Variants in CCSER1 observed in about 807,000 individuals in gnomAD.
The protein encoded by CCSER1 is serine-rich coiled-coil domain-containing protein 1.
A neutral mutation model predicts 82.0 loss-of-function variants in CCSER1; 41 were observed. That is an observed-to-expected ratio of 0.50 (90% CI 0.39 to 0.65). The LOEUF is 0.65. CCSER1 is among the 30% of genes least tolerant of loss of function. The probability of loss-of-function intolerance (pLI) is 0.00; values close to 1 mark genes in which losing one functional copy is unlikely to be tolerated. For synonymous variants in CCSER1, 414 were observed against 383.9 expected, an observed-to-expected ratio of 1.08 and a Z score of -0.92; for missense variants, 1,119 against 1,064.2, an observed-to-expected ratio of 1.05 and a Z score of -0.72.
chr4:91,041,241 A>G (rs999974598), intron 9 of CCSER1, among the ~76,000 whole-genome samples: 5 of 152,168 alleles, frequency 3.3e-5, no homozygotes, highest in African/African-American at 1.2e-4. Flanking sequence ...CCTGACTTAG[A>G]AGGTTTTTAC....
intron 8 of CCSER1, among the ~76,000 whole-genome samples, chr4:90,907,644 T>A (rs1725700317): frequency 6.6e-6 from 1 of 152,096 alleles, no homozygotes; most frequent in Non-Finnish European, 1.5e-5. Flanking sequence ...AAAGTAAACA[T>A]TTGTCATGTG....
At chr4:91,319,708 C>T (rs746426973) in intron 10 of CCSER1, 28 of 455,796 alleles carry the variant, frequency 6.1e-5, no homozygotes, top group Non-Finnish European at 1.1e-4. Flanking sequence ...CCCTGTGTGT[C>T]CCTCAGGTTT....
intron 6 of CCSER1, among the ~76,000 whole-genome samples, chr4:90,703,929 T>C (rs530766873): frequency 1.3e-5 from 2 of 152,182 alleles, no homozygotes; most frequent in East Asian, 3.9e-4. Flanking sequence ...CTTTATCCAA[T>C]TTGCCATTCT....
At chr4:90,583,245 C>A (rs1164617377) in intron 5 of CCSER1, among the ~76,000 whole-genome samples, 2 of 152,288 alleles carry the variant, frequency 1.3e-5, no homozygotes, top group Non-Finnish European at 2.9e-5. Context: ...AGGCTCACTG[C>A]AAACTCCGCC....
chr4:90,839,704 C>A (rs1228965242), intron 8 of CCSER1, among the ~76,000 whole-genome samples: 1 of 152,200 alleles, frequency 6.6e-6, no homozygotes, highest in Admixed American at 6.5e-5. Context: ...TTTGCCCAAT[C>A]TTACCAAGTA....
chr4:90,874,856 G>A (rs1429521093), intron 8 of CCSER1, among the ~76,000 whole-genome samples: 1 of 151,980 alleles, frequency 6.6e-6, no homozygotes, highest in Non-Finnish European at 1.5e-5. Flanking sequence ...GACCATCCTG[G>A]CCAACATGGT....
At position 91,582,317 on chromosome 4, in the gene CCSER1, T is replaced by G. The variant is rs185267431; in HGVS notation, c.2218-16255T>G. On this transcript the variant is annotated intron_variant, in intron 10 of 10. Transcript: ENST00000509176. Reference sequence around the variant, plus strand: ...ATCTTGTCTGAACTGTTAGTTAAGATTCTGTGAGTCCAGACCTCTATATAA... The same window carrying G: ...ATCTTGTCTGAACTGTTAGTTAAGAGTCTGTGAGTCCAGACCTCTATATAA... 2.5e-3 allele frequency among the ~76,000 whole-genome samples: 374 copies of G among 151,674 alleles called. 3 individuals are homozygous for G. The highest frequency in any genetic ancestry group is 8.5e-3 in the African/African-American group (353 of 41,494).
rs544667712 is a variant in CCSER1 at position 91,223,266 on chromosome 4, A to G, written c.2217+137272A>G. Among the ~76,000 whole-genome samples, 5 of 152,248 alleles carry G rather than the reference A, an allele frequency of 3.3e-5. No homozygotes were observed. The East Asian group carries it at 7.7e-4, about 23-fold the overall frequency. ...TTAGAGAAATATTATTTGTTTAGAAATCAAATAAATTTTGAAGACATGTCT... is the reference window on the plus strand; with the variant it reads ...TTAGAGAAATATTATTTGTTTAGAAGTCAAATAAATTTTGAAGACATGTCT... On this transcript the variant is annotated intron_variant, in intron 10 of 10. Transcript: ENST00000509176.
chr4:90,390,250 A>C (rs555387197), intron 3 of CCSER1, among the ~76,000 whole-genome samples: 52 of 152,328 alleles, frequency 3.4e-4, no homozygotes, highest in African/African-American at 1.2e-3. Context: ...TGTGTTGGGC[A>C]GTGAATATAT....
intron 8 of CCSER1, among the ~76,000 whole-genome samples, chr4:90,885,028 G>T (rs1345511649): frequency 1.3e-5 from 2 of 152,026 alleles, no homozygotes; most frequent in East Asian, 3.9e-4. Flanking sequence ...TCTACTAAAA[G>T]CATAAACTCA....
intron 10 of CCSER1, among the ~76,000 whole-genome samples, chr4:91,121,009 G>A (rs1196240820): frequency 2.0e-5 from 3 of 151,742 alleles, no homozygotes; most frequent in South Asian, 2.1e-4. Flanking sequence ...ATTTGGAAAA[G>A]GGTCATATAG....
intron 7 of CCSER1, among the ~76,000 whole-genome samples, chr4:90,810,429 C>T (rs1369550084): frequency 6.6e-6 from 1 of 152,068 alleles, no homozygotes; most frequent in African/African-American, 2.4e-5. Flanking sequence ...GGGCAGATCA[C>T]CTGAGGTCTG....
chr4:90,611,395 GGCACAGT>G (rs1175629927), intron 5 of CCSER1, among the ~76,000 whole-genome samples: 1 of 151,976 alleles, frequency 6.6e-6, no homozygotes, highest in Non-Finnish European at 1.5e-5. Flanking sequence ...AGAGGTTGAA[GGCACAGT>G]GCTTTAGTCC....
chr4:91,541,324 A>T lies in CCSER1; in HGVS notation c.2218-57248A>T, dbSNP rs1761584296. Among the ~76,000 whole-genome samples the T allele has an allele frequency of 3.3e-5, 5 of 152,276 alleles. No homozygotes were observed. In the South Asian group the frequency reaches 1.0e-3, roughly 32 times the overall value. On this transcript the variant is annotated intron_variant, in intron 10 of 10. Transcript: ENST00000509176. ...TACATGTGCCATGTTGGTGCGCTGC[A>T]CCCATTAACTCGTCATTTTTATTAG...
chr4:90,242,088 C>T (rs1746966507), intron 1 of CCSER1, among the ~76,000 whole-genome samples: 2 of 152,134 alleles, frequency 1.3e-5, no homozygotes, highest in Admixed American at 1.3e-4. Context: ...GGGCAGATCA[C>T]TTGAGGTCAG....
At chr4:91,337,266 A>G (rs1227632651) in intron 10 of CCSER1, among the ~76,000 whole-genome samples, 1 of 152,144 alleles carries the variant, frequency 6.6e-6, no homozygotes, top group Non-Finnish European at 1.5e-5. Flanking sequence ...CTTATAACGC[A>G]TGAACATCCA....
intron 1 of CCSER1, among the ~76,000 whole-genome samples, chr4:90,191,097 G>A (rs1476350979): frequency 6.6e-6 from 1 of 151,896 alleles, no homozygotes; most frequent in African/African-American, 2.4e-5. Context: ...GCTTGATTGA[G>A]TGATTATTTC....
intron 8 of CCSER1, among the ~76,000 whole-genome samples, chr4:90,830,233 T>C (rs1386091526): frequency 6.6e-6 from 1 of 152,192 alleles, no homozygotes; most frequent in East Asian, 1.9e-4. Flanking sequence ...TGTGTCAATA[T>C]TATGCTATGC....
intron 5 of CCSER1, among the ~76,000 whole-genome samples, chr4:90,581,147 A>T (rs1294051880): frequency 6.6e-6 from 1 of 152,118 alleles, no homozygotes; most frequent in Non-Finnish European, 1.5e-5. Context: ...ATATAGTAGG[A>T]TAAATATTTT....
Sources: allele counts gnomAD v4.1 joint callset (sites outside exome capture counted in the v4.1 genomes callset), GRCh38; gene constraint gnomAD v4.1.1; transcripts MANE v1.5; gene names NCBI Gene and HGNC (gene_info 2026-07-23, HGNC 2026-07-21).